Variants in DLG2 observed in about 807,000 individuals in gnomAD.
The protein encoded by DLG2 is discs large MAGUK scaffold protein 2.
In DLG2, 45 loss-of-function variants were observed where a neutral mutation model predicts 132.5. That is an observed-to-expected ratio of 0.34 (90% confidence interval 0.27 to 0.44). The LOEUF is 0.44. DLG2 is among the 20% of genes least tolerant of loss of function. The pLI is 1.00. For missense variants in DLG2, 1,045 were observed against 1,196.9 expected, an observed-to-expected ratio of 0.87 and a Z score of 1.87; for synonymous variants, 424 against 419.6, an observed-to-expected ratio of 1.01 and a Z score of -0.13.
At chr11:84,520,703 T>C (rs995784908) in intron 7 of DLG2, among the ~76,000 whole-genome samples, 1 of 151,998 alleles carries the variant, frequency 6.6e-6, no homozygotes, top group Non-Finnish European at 1.5e-5. Context: ...GAATGGAAAA[T>C]AGGGACTAGG....
intron 7 of DLG2, among the ~76,000 whole-genome samples, chr11:84,502,343 T>C (rs867332101): frequency 2.4e-4 from 10 of 41,886 alleles, no homozygotes; most frequent in South Asian, 1.6e-3. Flanking sequence ...TCTTTCTTTC[T>C]TTCTTTCTTT....
At chr11:84,213,087 C>T (rs1225472027) in intron 8 of DLG2, among the ~76,000 whole-genome samples, 1 of 152,134 alleles carries the variant, frequency 6.6e-6, no homozygotes, top group South Asian at 2.1e-4. Flanking sequence ...TTTACCAACT[C>T]CCTAGGCCTT....
chr11:84,640,361 G>C (rs1475316421), intron 6 of DLG2: 9 of 338,440 alleles, frequency 2.7e-5, no homozygotes, highest in Non-Finnish European at 5.0e-5. Flanking sequence ...AAATCCTCAG[G>C]GTTTGGATAA....
chr11:85,271,228 C>A (rs1301281608), intron 4 of DLG2, among the ~76,000 whole-genome samples: 5 of 152,166 alleles, frequency 3.3e-5, no homozygotes, highest in African/African-American at 9.7e-5. Context: ...GTGGAAGCCC[C>A]AAGCCTTGGC....
At chr11:84,235,413 T>G (rs1165739903) in intron 8 of DLG2, among the ~76,000 whole-genome samples, 1 of 152,158 alleles carries the variant, frequency 6.6e-6, no homozygotes, top group East Asian at 1.9e-4. Context: ...TAACTGCATT[T>G]TAAAGATCTC....
chr11:84,775,046 C>T (rs1272229818), intron 6 of DLG2, among the ~76,000 whole-genome samples: 1 of 152,056 alleles, frequency 6.6e-6, no homozygotes, highest in Non-Finnish European at 1.5e-5. Context: ...TAACAAAGGT[C>T]TAATATCCAG....
rs548381601 is a variant in DLG2 at position 84,909,467 on chromosome 11, T to C, written c.357+202194A>G. Among the ~76,000 whole-genome samples the C allele has an allele frequency of 9.8e-4, 150 of 152,306 alleles. 1 individual carries two copies. Among genetic ancestry groups the C allele is most frequent in the African/African-American group, 3.5e-3 (146 of 41,578 alleles). ...CTAAGTTTCAGTTTTAGAGTCTGTT[T>C]AGTGGGGGCAGTAACCCTCACCTGA... On this transcript the variant is annotated intron_variant, in intron 6 of 27. Coordinates refer to ENST00000376104, the MANE Select transcript of DLG2 (RefSeq NM_001142699.3).
intron 17 of DLG2, among the ~76,000 whole-genome samples, chr11:83,808,421 T>C (rs1031629182): frequency 6.6e-6 from 1 of 152,090 alleles, no homozygotes; most frequent in African/African-American, 2.4e-5. Flanking sequence ...CTGCCACATC[T>C]TGTGAGACCA....
intron 18 of DLG2, among the ~76,000 whole-genome samples, chr11:83,724,457 CCG>C (rs1491361294): frequency 1.0e-5 from 1 of 95,488 alleles, no homozygotes; most frequent in Non-Finnish European, 2.0e-5. Context: ...ATCTCTCTCT[CCG>C]TGTGTGTGTG....
chr11:84,941,808 A>G (rs994009630), intron 6 of DLG2, among the ~76,000 whole-genome samples: 14 of 152,060 alleles, frequency 9.2e-5, no homozygotes, highest in African/African-American at 2.9e-4. Flanking sequence ...AATAGTTTCA[A>G]TAAGACTGGT....
intron 3 of DLG2, among the ~76,000 whole-genome samples, chr11:85,549,301 G>C (rs1265169090): frequency 6.6e-6 from 1 of 152,044 alleles, no homozygotes; most frequent in African/African-American, 2.4e-5. Context: ...CGCCCTCCTT[G>C]GGCTGCAACC....
intron 7 of DLG2, among the ~76,000 whole-genome samples, chr11:84,277,670 T>G (rs902690799): frequency 6.6e-6 from 1 of 151,616 alleles, no homozygotes; most frequent in Non-Finnish European, 1.5e-5. Flanking sequence ...AGAAAAAAAA[T>G]ATAGCAAATT....
At position 83,845,788 on chromosome 11, in the gene DLG2, A is replaced by G. The variant is rs527276238; in HGVS notation, c.1566-12018T>C. 3.3e-5 allele frequency among the ~76,000 whole-genome samples: 5 copies of G among 152,346 alleles called. No individual in the cohort carries two copies. The South Asian group carries it at 6.2e-4, about 19-fold the overall frequency. The stretch of plus-strand genomic sequence containing the variant: ...AGCTACATAGATCTAGGCTTGAATC[A>G]TAATCCTACCAATAAATACTTGAGT... On this transcript the variant is annotated intron_variant, in intron 16 of 27. Transcript: ENST00000376104.
chr11:85,151,591 T>C (rs1200742916), intron 5 of DLG2, among the ~76,000 whole-genome samples: 3 of 152,186 alleles, frequency 2.0e-5, no homozygotes, highest in African/African-American at 7.2e-5. Flanking sequence ...GGGCCCAACT[T>C]TATCTTTTGC....
intron 18 of DLG2, among the ~76,000 whole-genome samples, chr11:83,730,787 T>G (rs549925428): frequency 1.1e-3 from 170 of 152,350 alleles, no homozygotes; most frequent in African/African-American, 4.0e-3. Flanking sequence ...TTACATAAGC[T>G]GAATTTCAAA....
chr11:84,221,395 T>C (rs1011734509), intron 8 of DLG2, among the ~76,000 whole-genome samples: 1 of 151,792 alleles, frequency 6.6e-6, no homozygotes, highest in Admixed American at 6.6e-5. Context: ...ACCTAGGAGG[T>C]GGAGGCTGTG....
intron 18 of DLG2, among the ~76,000 whole-genome samples, chr11:83,765,458 C>T (rs1456192219): frequency 6.6e-6 from 1 of 152,192 alleles, no homozygotes; most frequent in African/African-American, 2.4e-5. Flanking sequence ...AAAATTCTGG[C>T]TCTTGATTGT....
chr11:84,661,250 T>G (rs1394865764), intron 6 of DLG2, among the ~76,000 whole-genome samples: 1 of 152,186 alleles, frequency 6.6e-6, no homozygotes, highest in African/African-American at 2.4e-5. Flanking sequence ...TGAGATGGTT[T>G]CTTGGCTTAA....
chr11:83,515,173 G>T (rs1010652689), intron 21 of DLG2, among the ~76,000 whole-genome samples: 4 of 151,998 alleles, frequency 2.6e-5, no homozygotes, highest in African/African-American at 7.3e-5. Context: ...TTTTTTGGTT[G>T]GTAAGCTATT....
Sources: gnomAD v4.1 joint callset for allele counts (sites outside exome capture counted in the v4.1 genomes callset) on GRCh38, gnomAD v4.1.1 for gene constraint, MANE v1.5 for transcripts, NCBI Gene and HGNC (gene_info 2026-07-23, HGNC 2026-07-21) for gene names.